TPPP: variants seen among roughly 807,000 people sequenced by gnomAD.
The protein encoded by TPPP is tubulin polymerization promoting protein.
A neutral mutation model predicts 15.5 loss-of-function variants in TPPP; 6 were observed. The observed-to-expected ratio is 0.39, with a 90% CI of 0.21 to 0.77. TPPP has a LOEUF of 0.77. Among genes scored for constraint, TPPP ranks in the 30% least tolerant of loss-of-function variants. The pLI is 0.42. For missense variants in TPPP, 269 were observed against 307.2 expected (o/e 0.88, Z 0.93); for synonymous variants, 146 against 133.9 (o/e 1.09, Z -0.63).
the TPPP span, among the ~76,000 whole-genome samples, chr5:700,551 A>G: frequency 0.012 from 1,877 of 151,980 alleles, 50 homozygotes; most frequent in African/African-American, 0.039. Context: ...CAATATATGC[A>G]TGGAAGAAAT....
chr5:681,341 C>T (rs56352513), intron 1 of TPPP, among the ~76,000 whole-genome samples: 34,233 of 152,148 alleles, frequency 0.22, 8,357 homozygotes, highest in African/African-American at 0.62. Flanking sequence ...AGCTCCCAGG[C>T]GTGTACCCAC....
rs368453824 is a variant in TPPP, at chr5:661,341, C to T, written c.*3761G>A. 4.1e-3 allele frequency: 621 copies of T among 152,282 alleles called. 3 individuals carry two copies. Among genetic ancestry groups the T allele is most frequent in the South Asian group, 9.3e-3 (45 of 4,840 alleles). 9.4% of individuals were successfully genotyped at this position (152,282 alleles called of 1,614,324 possible). A position where few individuals can be genotyped will look rare whatever the true frequency, so the allele number is the denominator to read the frequency against. On this transcript the variant is annotated 3_prime_UTR_variant, in exon 4 of 4. Coordinates refer to ENST00000360578, the MANE Select transcript of TPPP (RefSeq NM_007030.3). ...CACCCCCAACAGAACCTGTCCCTCT[C>T]TCCTGGTGTCACCCATGATAGAACC...
In TPPP at chr5:669,558, C is replaced by T. The variant is rs1043292198; in HGVS notation, c.312-3435G>A. 2.6e-4 allele frequency among the ~76,000 whole-genome samples: 39 copies of T among 152,150 alleles called. 1 individual carries two copies. The highest frequency in any genetic ancestry group is 2.2e-4 in the Non-Finnish European group (15 of 68,016). On this transcript the variant is annotated intron_variant, in intron 2 of 3. Transcript: ENST00000360578. Reference sequence around the variant, plus strand: ...TTCCCACCCTGCCCAAGCTGACATGCGGACGCCAGGCCTGACTGCCAGCCT... The same window carrying T: ...TTCCCACCCTGCCCAAGCTGACATGTGGACGCCAGGCCTGACTGCCAGCCT...
At chr5:688,615 T>G (rs1248013584) in intron 1 of TPPP, among the ~76,000 whole-genome samples, 5 of 150,984 alleles carry the variant, frequency 3.3e-5, no homozygotes, top group African/African-American at 1.2e-4. Context: ...AGGTGCCAGG[T>G]GGGGCCCTCC....
At position 677,937 on chromosome 5, in the gene TPPP, C is replaced by T; in HGVS notation, c.124G>A (p.Ala42Thr). The change falls in exon 2 of 4, where the codon GCA becomes ACA. Residue 42 changes from alanine to threonine, a missense_variant. Coordinates refer to ENST00000360578, the MANE Select transcript of TPPP (RefSeq NM_007030.3). ...SLESEGAGEGAAASPELSALE... is the reference protein window; with the variant it reads ...SLESEGAGEGTAASPELSALE... ...GCACTGAGCTCAGGGGATGCGGCTG[C>T]CCCCTCACCAGCACCCTCCGATTCC... The T allele has an allele frequency of 1.2e-6, 2 of 1,611,972 alleles. No homozygotes were observed. The highest frequency in any genetic ancestry group is 2.2e-5 in the East Asian group (1 of 44,842).
intron 2 of TPPP, among the ~76,000 whole-genome samples, chr5:668,666 C>T (rs980568824): frequency 5.3e-5 from 8 of 152,220 alleles, no homozygotes; most frequent in African/African-American, 1.9e-4. Context: ...CAAAGGTGGC[C>T]CAGCAGTCCC....
chr5:700,140 CTTTATG>C, the TPPP span, among the ~76,000 whole-genome samples: 2 of 151,994 alleles, frequency 1.3e-5, no homozygotes, highest in African/African-American at 4.8e-5. Flanking sequence ...ACCACCTGCA[CTTTATG>C]TTTATCACAA....
At chr5:688,955 T>A (rs1387791946) in intron 1 of TPPP, among the ~76,000 whole-genome samples, 89 of 109,144 alleles carry the variant, frequency 8.2e-4, no homozygotes, top group African/African-American at 2.4e-3. Context: ...CTGGGTCAGG[T>A]CCCCGGGGCT....
upstream of TPPP, among the ~76,000 whole-genome samples, chr5:694,761 GCGGAGCC>G (rs1439146272): frequency 0.014 from 288 of 20,040 alleles, 1 homozygote; most frequent in South Asian, 0.046. Flanking sequence ...TTCTCGTCCC[GCGGAGCC>G]CGGAGTGCCT....
intron 1 of TPPP, among the ~76,000 whole-genome samples, chr5:679,061 C>T (rs186526862): frequency 0.01 from 1,528 of 152,264 alleles, 30 homozygotes; most frequent in African/African-American, 0.035. Context: ...TGCCCACAGA[C>T]ACAAGAGCCG....
upstream of TPPP, among the ~76,000 whole-genome samples, chr5:697,949 A>T (rs1379814941): frequency 3.5e-5 from 5 of 143,792 alleles, no homozygotes; most frequent in Non-Finnish European, 7.6e-5. Flanking sequence ...AATACCAGAA[A>T]ATAGAACCCA....
chr5:699,650 AAAGAAACTATCAACAG>A, the TPPP span, among the ~76,000 whole-genome samples: 2 of 151,930 alleles, frequency 1.3e-5, no homozygotes, highest in South Asian at 2.1e-4. Flanking sequence ...CTGCACAGCA[AAAGAAACTATCAACAG>A]GGTAAATAGA....
rs1739787301 is a variant in TPPP, at chr5:663,863, A to AGT, written c.*1237_*1238dup. The AGT allele has an allele frequency of 6.6e-6, 1 of 152,412 alleles. No individual in the cohort carries two copies. The highest frequency in any genetic ancestry group is 1.5e-5 in the Non-Finnish European group (1 of 68,168). 9.4% of individuals were successfully genotyped at this position (152,412 alleles called of 1,614,324 possible). A position where few individuals can be genotyped will look rare whatever the true frequency, so the allele number is the denominator to read the frequency against. ...TGTGGCTGTGTGCGTGCCAAGGGACAGTGGCAGTGTGCCATTGTGACAGCG... is the reference window on the plus strand; with the variant it reads ...TGTGGCTGTGTGCGTGCCAAGGGACAGTGTGGCAGTGTGCCATTGTGACAGCG... On this transcript the variant is annotated 3_prime_UTR_variant, in exon 4 of 4. Coordinates refer to ENST00000360578, the MANE Select transcript of TPPP (RefSeq NM_007030.3).
rs541348627 is a variant in TPPP at position 674,507 on chromosome 5, C to T, written c.311+3243G>A. ...TCTCCCGGTCCGAGTGCCCGGGACA[C>T]GTCCCCTTGGCAGAGTGAGTTCTGG... On this transcript the variant is annotated intron_variant, in intron 2 of 3. Transcript: ENST00000360578. Among the ~76,000 whole-genome samples the T allele has an allele frequency of 9.0e-4, 137 of 152,142 alleles. 3 individuals are homozygous for T. Among genetic ancestry groups the T allele is most frequent in the Admixed American group, 1.6e-3 (24 of 15,286 alleles).
chr5:698,519 T>G, the TPPP span, among the ~76,000 whole-genome samples: 1 of 151,964 alleles, frequency 6.6e-6, no homozygotes, highest in Non-Finnish European at 1.5e-5. Context: ...TGGGGAGGCC[T>G]CCCAGTCATG....
chr5:673,857 C>A (rs1740308627), intron 2 of TPPP, among the ~76,000 whole-genome samples: 6 of 152,246 alleles, frequency 3.9e-5, no homozygotes. Flanking sequence ...CCCCCACAAG[C>A]AGGCAGGGCT....
At chr5:682,416 G>T (rs1477540634) in intron 1 of TPPP, among the ~76,000 whole-genome samples, 6 of 150,230 alleles carry the variant, frequency 4.0e-5, no homozygotes, top group Admixed American at 2.6e-4. Context: ...CCTGGGGTCT[G>T]TCACTAGGGC....
At chr5:666,190 G>T in intron 2 of TPPP, 67 bp from the exon 3 acceptor site, 1 of 1,567,284 alleles carries the variant, frequency 6.4e-7, no homozygotes, top group Non-Finnish European at 8.6e-7. Context: ...CCACGCGTGG[G>T]TCTGAGCAGA....
At chr5:670,410 G>A (rs1740176579) in intron 2 of TPPP, among the ~76,000 whole-genome samples, 1 of 152,142 alleles carries the variant, frequency 6.6e-6, no homozygotes, top group Non-Finnish European at 1.5e-5. Context: ...GCTGTGGAGG[G>A]GAATCTCTGG....
Sources: allele counts gnomAD v4.1 joint callset (sites outside exome capture counted in the v4.1 genomes callset), GRCh38; gene constraint gnomAD v4.1.1; transcripts MANE v1.5; gene names NCBI Gene and HGNC (gene_info 2026-07-23, HGNC 2026-07-21).